Variants in PCDH15 observed in about 807,000 individuals in gnomAD.
The protein encoded by PCDH15 is protocadherin related 15.
In PCDH15, 129 loss-of-function variants were observed where a neutral mutation model predicts 178.5. The ratio of observed to expected loss-of-function variants is 0.72; its 90% CI spans 0.63 to 0.84. The LOEUF (loss-of-function observed/expected upper bound fraction) is 0.84, where lower values mean the gene tolerates loss of function less well. Ranked by LOEUF, PCDH15 falls within the 40% of genes least tolerant of loss-of-function variation. The probability of loss-of-function intolerance (pLI) is 0.00; values close to 1 mark genes in which losing one functional copy is unlikely to be tolerated. For missense variants in PCDH15, 2,230 were observed against 2,099.9 expected, an observed-to-expected ratio of 1.06 and a Z score of -1.21; for synonymous variants, 800 against 732.0, an observed-to-expected ratio of 1.09 and a Z score of -1.50.
chr10:54,863,153 C>T (rs1033218180), intron 3 of PCDH15, among the ~76,000 whole-genome samples: 3 of 152,034 alleles, frequency 2.0e-5, no homozygotes, highest in African/African-American at 7.2e-5. Context: ...TAATGATGTT[C>T]TATGATTAAT....
intron 2 of PCDH15, chr10:55,513,222 GT>G (rs1414252400): frequency 1.3e-5 from 2 of 152,090 alleles, no homozygotes. Flanking sequence ...AAAGGCTAGT[GT>G]TTTCTGTATT....
At chr10:55,083,153 A>G (rs1564783390) in intron 2 of PCDH15, among the ~76,000 whole-genome samples, 1 of 151,930 alleles carries the variant, frequency 6.6e-6, no homozygotes, top group East Asian at 1.9e-4. Context: ...AATTTGCAAA[A>G]AAAAACACTA....
chr10:54,501,472 G>A (rs2080683065), intron 3 of PCDH15, among the ~76,000 whole-genome samples: 1 of 152,082 alleles, frequency 6.6e-6, no homozygotes, highest in Non-Finnish European at 1.5e-5. Flanking sequence ...TCCATCTAAA[G>A]TGATAATTGA....
intron 20 of PCDH15, among the ~76,000 whole-genome samples, chr10:54,000,713 A>C (rs1035154182): frequency 2.0e-5 from 3 of 152,100 alleles, no homozygotes; most frequent in Admixed American, 2.0e-4. Context: ...AAAAGGGCAA[A>C]TGTAAGTGTT....
intron 1 of PCDH15, among the ~76,000 whole-genome samples, chr10:55,308,882 G>T (rs1228157610): frequency 6.6e-6 from 1 of 152,046 alleles, no homozygotes; most frequent in East Asian, 1.9e-4. Context: ...TTGAACTTGT[G>T]GCCATGTTCA....
At chr10:55,477,990 A>C (rs978585738) in intron 2 of PCDH15, among the ~76,000 whole-genome samples, 5 of 151,934 alleles carry the variant, frequency 3.3e-5, no homozygotes, top group African/African-American at 1.2e-4. Context: ...CAGATGGAAA[A>C]AATATTCCAT....
intron 2 of PCDH15, among the ~76,000 whole-genome samples, chr10:54,917,925 CTA>C (rs1201847463): frequency 1.3e-5 from 2 of 150,308 alleles, no homozygotes; most frequent in African/African-American, 4.9e-5. Flanking sequence ...GTACACATTT[CTA>C]TGAGGTCAGT....
chr10:55,380,192 A>C (rs1837499767), intron 2 of PCDH15, among the ~76,000 whole-genome samples: 1 of 152,194 alleles, frequency 6.6e-6, no homozygotes, highest in Non-Finnish European at 1.5e-5. Flanking sequence ...AGAATTATAA[A>C]GAGAGTAAAT....
intron 8 of PCDH15, among the ~76,000 whole-genome samples, chr10:54,307,789 G>T (rs957279346): frequency 1.3e-5 from 2 of 151,806 alleles, no homozygotes; most frequent in African/African-American, 2.4e-5. Context: ...AATAAATTAG[G>T]TCCTATCTAC....
At chr10:55,515,077 C>T (rs1250896804) in intron 2 of PCDH15, among the ~76,000 whole-genome samples, 2 of 150,492 alleles carry the variant, frequency 1.3e-5, no homozygotes, top group African/African-American at 2.4e-5. Context: ...GCAACTTCCG[C>T]CTTCATGTTC....
intron 4 of PCDH15, among the ~76,000 whole-genome samples, chr10:54,372,127 C>T (rs1947770475): frequency 1.3e-5 from 2 of 151,890 alleles, no homozygotes; most frequent in Admixed American, 6.6e-5. Flanking sequence ...TACTGTTTGT[C>T]CTTGGCACAC....
At chr10:54,655,292 G>GAGAGACAGAGAGAGAC (rs1555126786) in intron 2 of PCDH15, among the ~76,000 whole-genome samples, 1 of 121,096 alleles carries the variant, frequency 8.3e-6, no homozygotes. Flanking sequence ...GAGAGAGAGA[G>GAGAGACAGAGAGAGAC]AGAGAGAGAG....
chr10:55,619,749 T>C (rs1291347603), intron 2 of PCDH15, among the ~76,000 whole-genome samples: 1 of 152,034 alleles, frequency 6.6e-6, no homozygotes, highest in Admixed American at 6.6e-5. Context: ...TGATTACTTA[T>C]CATGTAGAAA....
chr10:54,461,329 C>T (rs2077152838), intron 3 of PCDH15, among the ~76,000 whole-genome samples: 1 of 152,020 alleles, frequency 6.6e-6, no homozygotes, highest in Non-Finnish European at 1.5e-5. Context: ...TACAGCAGAT[C>T]ATGTACATTT....
intron 21 of PCDH15, among the ~76,000 whole-genome samples, chr10:53,969,956 G>T (rs1333248844): frequency 2.0e-5 from 3 of 152,074 alleles, no homozygotes; most frequent in Non-Finnish European, 4.4e-5. Flanking sequence ...ATCAACTAAC[G>T]AGCAAAATAA....
At chr10:54,986,996 C>T (rs1348684032) in intron 2 of PCDH15, among the ~76,000 whole-genome samples, 1 of 152,086 alleles carries the variant, frequency 6.6e-6, no homozygotes, top group Non-Finnish European at 1.5e-5. Flanking sequence ...ATTAATCAGT[C>T]ATCTAAGTTC....
intron 1 of PCDH15, among the ~76,000 whole-genome samples, chr10:55,268,528 G>T (rs1842359018): frequency 6.6e-6 from 1 of 152,104 alleles, no homozygotes; most frequent in Admixed American, 6.6e-5. Context: ...TAGCATATAT[G>T]GAGGACTGGT....
intron 2 of PCDH15, among the ~76,000 whole-genome samples, chr10:55,537,246 C>G (rs969137295): frequency 1.3e-5 from 2 of 152,118 alleles, no homozygotes; most frequent in African/African-American, 4.8e-5. Context: ...TATGTTTTCA[C>G]ATTTAAGAGA....
intron 1 of PCDH15, among the ~76,000 whole-genome samples, chr10:54,793,206 C>T (rs975682150): frequency 6.6e-6 from 1 of 151,858 alleles, no homozygotes; most frequent in Non-Finnish European, 1.5e-5. Flanking sequence ...TGCGCTTTAT[C>T]CCCACCCTTG....
Sources: gnomAD v4.1 joint callset for allele counts (sites outside exome capture counted in the v4.1 genomes callset) on GRCh38, gnomAD v4.1.1 for gene constraint, MANE v1.5 for transcripts, NCBI Gene and HGNC (gene_info 2026-07-23, HGNC 2026-07-21) for gene names.